TRPM3: variants seen among roughly 807,000 people sequenced by gnomAD.
The protein encoded by TRPM3 is transient receptor potential cation channel subfamily M member 3, also known as long transient receptor potential channel 3.
TRPM3 carries 77 observed loss-of-function variants against 181.2 expected under a neutral mutation model. The observed-to-expected ratio is 0.42, with a 90% CI of 0.35 to 0.51. TRPM3 has a LOEUF of 0.51. Among genes scored for constraint, TRPM3 ranks in the 20% least tolerant of loss-of-function variants. TRPM3 has a pLI of 0.01. For synonymous variants in TRPM3, 745 were observed against 796.4 expected, an observed-to-expected ratio of 0.94 and a Z score of 1.09; for missense variants, 1,759 against 2,196.7, an observed-to-expected ratio of 0.80 and a Z score of 3.98.
intron 1 of TRPM3, among the ~76,000 whole-genome samples, chr9:71,011,300 A>G (rs893203078): frequency 1.3e-5 from 2 of 152,182 alleles, no homozygotes; most frequent in Non-Finnish European, 2.9e-5. Flanking sequence ...AAGATTTTTG[A>G]GTGTTATTAC....
At chr9:71,334,519 A>T (rs1295600992) in intron 1 of TRPM3, among the ~76,000 whole-genome samples, 3 of 147,836 alleles carry the variant, frequency 2.0e-5, no homozygotes, top group Non-Finnish European at 4.5e-5. Context: ...TCTATTACAG[A>T]TGATGGCTAA....
At chr9:71,177,164 G>T (rs2077145483) in intron 1 of TRPM3, among the ~76,000 whole-genome samples, 1 of 152,090 alleles carries the variant, frequency 6.6e-6, no homozygotes, top group Non-Finnish European at 1.5e-5. Flanking sequence ...AGAATCTAAT[G>T]CCTTGTGATC....
chr9:70,562,677 C>G (rs1327485211), intron 22 of TRPM3, among the ~76,000 whole-genome samples: 1 of 151,156 alleles, frequency 6.6e-6, no homozygotes, highest in East Asian at 2.0e-4. Flanking sequence ...ATTCAATTCC[C>G]TGTTACTTGG....
intron 1 of TRPM3, among the ~76,000 whole-genome samples, chr9:71,214,548 G>GT (rs2079724916): frequency 6.6e-6 from 1 of 152,210 alleles, no homozygotes; most frequent in African/African-American, 2.4e-5. Context: ...AAATTATACA[G>GT]TTTTTTCTCT....
chr9:71,061,870 G>A (rs2133360019), intron 1 of TRPM3, among the ~76,000 whole-genome samples: 1 of 152,126 alleles, frequency 6.6e-6, no homozygotes, highest in African/African-American at 2.4e-5. Flanking sequence ...GGAATCTTGG[G>A]AGTCTTCCTA....
intron 1 of TRPM3, among the ~76,000 whole-genome samples, chr9:70,972,570 T>C (rs987498245): frequency 6.6e-6 from 1 of 152,184 alleles, no homozygotes; most frequent in Admixed American, 6.5e-5. Flanking sequence ...GCACAACTTG[T>C]AGTCTACTAA....
At chr9:70,905,765 C>A (rs1427960975) in intron 1 of TRPM3, among the ~76,000 whole-genome samples, 2 of 150,342 alleles carry the variant, frequency 1.3e-5, no homozygotes, top group African/African-American at 4.9e-5. Flanking sequence ...TCTTTTGAGA[C>A]AGCGTCTTGC....
intron 22 of TRPM3, among the ~76,000 whole-genome samples, chr9:70,576,762 C>T (rs62545470): frequency 0.3 from 45,131 of 151,956 alleles, 6,880 homozygotes; most frequent in Admixed American, 0.35. Context: ...ATCCACCCAC[C>T]TCAGCCTCCC....
At chr9:71,420,795 G>A (rs111206788) in intron 1 of TRPM3, among the ~76,000 whole-genome samples, 1 of 12,848 alleles carries the variant, frequency 7.8e-5, no homozygotes, top group East Asian at 1.3e-3. Flanking sequence ...GAAAGAGAGA[G>A]AAAGAAAGAG....
intron 8 of TRPM3, among the ~76,000 whole-genome samples, chr9:70,753,563 AG>A (rs757501175): frequency 7.2e-5 from 11 of 152,320 alleles, no homozygotes; most frequent in Admixed American, 5.9e-4. Context: ...AGATGGGAGC[AG>A]GGAGGGTGGA....
rs887991913 is a variant in TRPM3 at position 70,533,862 on chromosome 9, T to C, written c.*2091A>G. ...CTTTACATATGTGACCTCATCACAA[T>C]TTTTATACCTGAAATGCTTATTCAG... On this transcript the variant is annotated 3_prime_UTR_variant, in exon 26 of 26. Transcript: ENST00000677713. 1.1e-4 allele frequency: 17 copies of C among 152,320 alleles called. No individual in the cohort carries two copies. The highest frequency in any genetic ancestry group is 3.8e-4 in the African/African-American group (16 of 41,582). The allele number at this position is 152,320 out of a possible 1,614,324, so 9.4% of individuals were successfully genotyped here. A position where few individuals can be genotyped will look rare whatever the true frequency, so the allele number is the denominator to read the frequency against.
Position 70,533,295 on chromosome 9 carries a change from A to T in TRPM3, c.*2658T>A, listed in dbSNP as rs997875756. On this transcript the variant is annotated 3_prime_UTR_variant, in exon 26 of 26. Coordinates refer to ENST00000677713, the MANE Select transcript of TRPM3 (RefSeq NM_001366145.2). The stretch of plus-strand genomic sequence containing the variant: ...TCTTGGATTCCTCTATAGACCCTTC[A>T]GGGAGACTTCAGCATTGTGATTGTG... 6.6e-6 allele frequency: 1 copy of T among 152,194 alleles called. No individual in the cohort carries two copies. Among genetic ancestry groups the T allele is most frequent in the Non-Finnish European group, 1.5e-5 (1 of 68,040 alleles). 9.4% of individuals were successfully genotyped at this position (152,194 alleles called of 1,614,324 possible).
chr9:70,594,786 T>C (rs2058724494), intron 21 of TRPM3, among the ~76,000 whole-genome samples: 1 of 152,206 alleles, frequency 6.6e-6, no homozygotes, highest in Non-Finnish European at 1.5e-5. Flanking sequence ...GGGACTCACT[T>C]GGCTGTTTTG....
intron 1 of TRPM3, among the ~76,000 whole-genome samples, chr9:71,223,758 T>C (rs942399940): frequency 1.3e-5 from 2 of 152,156 alleles, no homozygotes; most frequent in South Asian, 4.1e-4. Flanking sequence ...GCACACTCCC[T>C]GTAGGCCTGT....
At chr9:71,364,625 T>G (rs2092273537) in intron 1 of TRPM3, among the ~76,000 whole-genome samples, 1 of 152,218 alleles carries the variant, frequency 6.6e-6, no homozygotes, top group Non-Finnish European at 1.5e-5. Context: ...GGAAGTGATT[T>G]TTAAAATCTT....
At chr9:70,892,655 A>T (rs1249022274) in intron 1 of TRPM3, among the ~76,000 whole-genome samples, 1 of 151,826 alleles carries the variant, frequency 6.6e-6, no homozygotes, top group Admixed American at 6.6e-5. Flanking sequence ...ATTTATGAGA[A>T]TCTATCACAT....
chr9:71,051,887 TG>T (rs1212393341), intron 1 of TRPM3, among the ~76,000 whole-genome samples: 2 of 151,952 alleles, frequency 1.3e-5, no homozygotes, highest in African/African-American at 4.8e-5. Flanking sequence ...GGAAACTGGG[TG>T]GGGTGAAGGG....
intron 9 of TRPM3, among the ~76,000 whole-genome samples, chr9:70,663,374 T>A (rs1270029492): frequency 1.3e-5 from 2 of 152,070 alleles, no homozygotes; most frequent in Non-Finnish European, 2.9e-5. Context: ...CCACCCATAC[T>A]CCAAAAACTA....
At chr9:71,272,184 TTTTTC>T (rs1468375783) in intron 1 of TRPM3, among the ~76,000 whole-genome samples, 28 of 152,142 alleles carry the variant, frequency 1.8e-4, no homozygotes, top group Non-Finnish European at 3.2e-4. Context: ...AGTGTCGTAT[TTTTTC>T]TTATCTTTTT....
Sources: gnomAD v4.1 joint callset for allele counts (sites outside exome capture counted in the v4.1 genomes callset) on GRCh38, gnomAD v4.1.1 for gene constraint, MANE v1.5 for transcripts, NCBI Gene and HGNC (gene_info 2026-07-23, HGNC 2026-07-21) for gene names.